The following NSMCE3 variants were observed in gnomAD, a reference collection of about 807,000 sequenced individuals.
NSMCE3 encodes the protein non-structural maintenance of chromosomes element 3 homolog.
For missense variants in NSMCE3, 452 were observed against 399.5 expected (o/e 1.13, Z -1.12); for synonymous variants, 214 against 172.2 (o/e 1.24, Z -1.90).
chr15:29,268,887 T>C lies in NSMCE3; in HGVS notation c.819A>G (p.Gln273=). Residue 273 remains glutamine, a synonymous_variant, in exon 1 of 1, where the codon CAA becomes CAG. Coordinates refer to ENST00000332303, the MANE Select transcript of NSMCE3 (RefSeq NM_138704.4). The stretch of plus-strand genomic sequence containing the variant: ...ACTGCGCTGGCCAGTCCTTGGGGTC[T>C]TGATTATGGACCTTGGCCACAAACT... ...VLKFVAKVHN[Q]DPKDWPAQYC... is the part of the protein sequence containing the mutation. 4 of 1,614,202 alleles carry C rather than the reference T, an allele frequency of 2.5e-6. No homozygotes were observed. Among genetic ancestry groups the C allele is most frequent in the African/African-American group, 1.3e-5 (1 of 75,044 alleles).
At position 29,268,817 on chromosome 15, in the gene NSMCE3, G is replaced by C. The variant is rs776476342; in HGVS notation, c.889C>G (p.Pro297Ala). 4.3e-6 allele frequency: 7 copies of C among 1,612,188 alleles called. No individual in the cohort carries two copies. Among genetic ancestry groups the C allele is most frequent in the Non-Finnish European group, 5.9e-6 (7 of 1,178,534 alleles). The change falls in exon 1 of 1, where the codon CCT (proline) becomes GCT (alanine). Residue 297 changes from proline to alanine, a missense_variant. Coordinates refer to ENST00000332303, the MANE Select transcript of NSMCE3 (RefSeq NM_138704.4). ...CAAGAGGATGGAGCTGGGCCACTAG[G>C]CTGAGGTCTGGCCCTGTTCTCCTCA... ...ADEENRARPQ[P>A]SGPAPSS
chr15:29,269,803 G>T lies in NSMCE3; in HGVS notation c.-98C>A, dbSNP rs1182904871. On this transcript the variant is annotated 5_prime_UTR_variant, in exon 1 of 1. Transcript: ENST00000332303. ...CGCTAACGCCGGTGCCTGGAGGCGC[G>T]CGCAGTGTCGGCTGAGACTGCGTGC... 10 of 1,175,634 alleles carry T rather than the reference G, an allele frequency of 8.5e-6. No homozygotes were observed. The East Asian group carries it at 2.8e-4, about 33-fold the overall frequency. The allele number at this position is 1,175,634 out of a possible 1,614,324, so 72.8% of individuals were successfully genotyped here. A position where few individuals can be genotyped will look rare whatever the true frequency, so the allele number is the denominator to read the frequency against.
In NSMCE3 at chr15:29,266,554, A is replaced by T. The variant is rs542020125; in HGVS notation, c.*2237T>A. On this transcript the variant is annotated 3_prime_UTR_variant, in exon 1 of 1. Transcript: ENST00000332303. ...AGTTATTTTTCCCCCATAAAAGAAC[A>T]ATTAAAATGAGTGAATCAGGTCTAC... 6.6e-6 allele frequency: 1 copy of T among 152,390 alleles called. No individual in the cohort carries two copies. The highest frequency in any genetic ancestry group is 2.1e-4 in the South Asian group (1 of 4,832). 9.4% of individuals were successfully genotyped at this position (152,390 alleles called of 1,614,324 possible). A position where few individuals can be genotyped will look rare whatever the true frequency, so the allele number is the denominator to read the frequency against.
rs150536207 is a variant in NSMCE3, at chr15:29,267,031, G to A, written c.*1760C>T. 4 of 152,358 alleles carry A rather than the reference G, an allele frequency of 2.6e-5. No individual in the cohort carries two copies. In the East Asian group the frequency reaches 7.7e-4, roughly 29 times the overall value. 9.4% of individuals were successfully genotyped at this position (152,358 alleles called of 1,614,324 possible). A position where few individuals can be genotyped will look rare whatever the true frequency, so the allele number is the denominator to read the frequency against. On this transcript the variant is annotated 3_prime_UTR_variant, in exon 1 of 1. Coordinates refer to ENST00000332303, the MANE Select transcript of NSMCE3 (RefSeq NM_138704.4). ...TAAGGGGACCAGGAGGCAGGAAGGA[G>A]TTTATACACTGAAATAAAATGCAGA...
At position 29,268,737 on chromosome 15, in the gene NSMCE3, A is replaced by C; in HGVS notation, c.*54T>G. On this transcript the variant is annotated 3_prime_UTR_variant, in exon 1 of 1. Coordinates refer to ENST00000332303, the MANE Select transcript of NSMCE3 (RefSeq NM_138704.4). ...GTTCTCCCTTCCCCCAATCCTCTAA[A>C]CTGTGCCTTTGGGTCTCAGACCCTT... The C allele has an allele frequency of 6.5e-7, 1 of 1,536,304 alleles. No homozygotes were observed. Among genetic ancestry groups the C allele is most frequent in the Non-Finnish European group, 8.8e-7 (1 of 1,141,902 alleles).
chr15:29,269,220 C>T lies in NSMCE3; in HGVS notation c.486G>A (p.Glu162=). 3.1e-6 allele frequency: 5 copies of T among 1,614,148 alleles called. No homozygotes were observed. The highest frequency in any genetic ancestry group is 4.2e-6 in the Non-Finnish European group (5 of 1,180,034). Reference sequence around the variant, plus strand: ...GGTCACCCCTCATCTCGGCATCCTCCTCCACAGGCTCCAGGGTGTTGATGA... The same window carrying T: ...GGTCACCCCTCATCTCGGCATCCTCTTCCACAGGCTCCAGGGTGTTGATGA... ...YILINTLEPV[E]EDAEMRGDQG... The change falls in exon 1 of 1, where the codon GAG becomes GAA. Residue 162 remains glutamate (E), a synonymous_variant. Coordinates refer to ENST00000332303, the MANE Select transcript of NSMCE3 (RefSeq NM_138704.4).
chr15:29,269,375 T>C lies in NSMCE3; in HGVS notation c.331A>G (p.Ile111Val), dbSNP rs761316328. The change falls in exon 1 of 1, where the codon ATA becomes GTA. Residue 111 changes from isoleucine (I) to valine (V), a missense_variant. Transcript: ENST00000332303. ...TAGTCCCCGATGACGTGCTTCAGTA[T>C]GTCGGCCCGCTTGATCGGAATCTTC... ...QKKIPIKRAD[I>V]LKHVIGDYKD... 6 of 1,614,072 alleles carry C rather than the reference T, an allele frequency of 3.7e-6. No individual in the cohort carries two copies. In the Admixed American group the frequency reaches 6.7e-5, roughly 18 times the overall value.
In NSMCE3 at chr15:29,269,250, G is replaced by T. The variant is rs375296124; in HGVS notation, c.456C>A (p.Tyr152Ter). Residue 152 changes from tyrosine (Y) to a stop codon, truncating the protein, a stop_gained, in exon 1 of 1, where the codon TAC (tyrosine) becomes TAA (stop). Coordinates refer to ENST00000332303, the MANE Select transcript of NSMCE3 (RefSeq NM_138704.4). LOFTEE classifies it low-confidence loss of function (END_TRUNC). ...CAGGCTCCAGGGTGTTGATGAGGAT[G>T]TAAGTGTTGCTCTTGGGTTCAAGTT... ...LVELEPKSNT[Y>*]ILINTLEPVE... 1.2e-6 allele frequency: 2 copies of T among 1,614,186 alleles called. No individual in the cohort carries two copies. The highest frequency in any genetic ancestry group is 2.2e-5 in the South Asian group (2 of 91,076).
In NSMCE3 at chr15:29,268,032, A is replaced by C. The variant is rs1260455830; in HGVS notation, c.*759T>G. ...CATGATCCTGATTTTGTTTCACACAAAAGTGAAACAACTTCTACAAAACAG... is the reference window on the plus strand; with the variant it reads ...CATGATCCTGATTTTGTTTCACACACAAGTGAAACAACTTCTACAAAACAG... On this transcript the variant is annotated 3_prime_UTR_variant, in exon 1 of 1. Transcript: ENST00000332303. 2.0e-5 allele frequency: 3 copies of C among 152,230 alleles called. No homozygotes were observed. Among genetic ancestry groups the C allele is most frequent in the East Asian group, 3.9e-4 (2 of 5,194 alleles). 9.4% of individuals were successfully genotyped at this position (152,230 alleles called of 1,614,324 possible). A position where few individuals can be genotyped will look rare whatever the true frequency, so the allele number is the denominator to read the frequency against.
rs745569129 is a variant in NSMCE3 at position 29,267,271 on chromosome 15, C to G, written c.*1520G>C. ...TTATTTCAAGGTTAATTTGCAGCACCTCCCCCTAAAACAATTAACTTATTT... is the reference window on the plus strand; with the variant it reads ...TTATTTCAAGGTTAATTTGCAGCACGTCCCCCTAAAACAATTAACTTATTT... On this transcript the variant is annotated 3_prime_UTR_variant, in exon 1 of 1. Transcript: ENST00000332303. 3.3e-5 allele frequency: 5 copies of G among 152,142 alleles called. No homozygotes were observed. Among genetic ancestry groups the G allele is most frequent in the African/African-American group, 4.8e-5 (2 of 41,416 alleles). 9.4% of individuals were successfully genotyped at this position (152,142 alleles called of 1,614,324 possible).
At position 29,266,844 on chromosome 15, in the gene NSMCE3, G is replaced by C. The variant is rs1007724781; in HGVS notation, c.*1947C>G. 6.6e-6 allele frequency: 1 copy of C among 152,154 alleles called. No homozygotes were observed. Among genetic ancestry groups the C allele is most frequent in the African/African-American group, 2.4e-5 (1 of 41,432 alleles). The allele number at this position is 152,154 out of a possible 1,614,324, so 9.4% of individuals were successfully genotyped here. ...TCTGATGTTTCATATTTTAAAATTT[G>C]AAACAAGATTATCGATGGTAAATTG... is the stretch of plus-strand genomic sequence containing the variant. On this transcript the variant is annotated 3_prime_UTR_variant, in exon 1 of 1. Transcript: ENST00000332303.
chr15:29,268,592 C>T lies in NSMCE3; in HGVS notation c.*199G>A. 1 of 502,772 alleles carries T rather than the reference C, an allele frequency of 2.0e-6. No homozygotes were observed. Among genetic ancestry groups the T allele is most frequent in the Admixed American group, 3.8e-5 (1 of 26,458 alleles). The allele number at this position is 502,772 out of a possible 1,614,324, so 31.1% of individuals were successfully genotyped here. ...AAAGAGTAAAATCAAAACAAATGCT[C>T]CTTTGTTTATAGATGAAAATCTGGA... On this transcript the variant is annotated 3_prime_UTR_variant, in exon 1 of 1. Transcript: ENST00000332303.
rs772270879 is a variant in NSMCE3, at chr15:29,269,725, G to A, written c.-20C>T. 2.0e-6 allele frequency: 3 copies of A among 1,499,544 alleles called. No individual in the cohort carries two copies. The highest frequency in any genetic ancestry group is 1.3e-5 in the South Asian group (1 of 75,548). The allele number at this position is 1,499,544 out of a possible 1,614,324, so 92.9% of individuals were successfully genotyped here. A position where few individuals can be genotyped will look rare whatever the true frequency, so the allele number is the denominator to read the frequency against. ...CAACATGTCTCCGGCGGCAGGTGCC[G>A]GCGCACACTCCGGTAGGCAAGCAGC... is the stretch of plus-strand genomic sequence containing the variant. On this transcript the variant is annotated 5_prime_UTR_variant, in exon 1 of 1. Coordinates refer to ENST00000332303, the MANE Select transcript of NSMCE3 (RefSeq NM_138704.4).
In NSMCE3 at chr15:29,267,282, A is replaced by G. The variant is rs536131793; in HGVS notation, c.*1509T>C. ...TTAATTTGCAGCACCTCCCCCTAAA[A>G]CAATTAACTTATTTGCCCACTGAAT... On this transcript the variant is annotated 3_prime_UTR_variant, in exon 1 of 1. Transcript: ENST00000332303. 2.0e-5 allele frequency: 3 copies of G among 152,300 alleles called. No individual in the cohort carries two copies. The highest frequency in any genetic ancestry group is 7.2e-5 in the African/African-American group (3 of 41,568). The allele number at this position is 152,300 out of a possible 1,614,324, so 9.4% of individuals were successfully genotyped here.
At position 29,267,721 on chromosome 15, in the gene NSMCE3, TAAAG is replaced by T. The variant is rs1277060246; in HGVS notation, c.*1066_*1069del. ...CCTAGGAATGATTTGGAAAAAAAGA[TAAAG>T]AAAAGTTATATTTAAAAAGTGGCAG... On this transcript the variant is annotated 3_prime_UTR_variant, in exon 1 of 1. Coordinates refer to ENST00000332303, the MANE Select transcript of NSMCE3 (RefSeq NM_138704.4). 1 of 152,242 alleles carries T rather than the reference TAAAG, an allele frequency of 6.6e-6. No individual in the cohort carries two copies. The highest frequency in any genetic ancestry group is 1.9e-4 in the East Asian group (1 of 5,192). The allele number at this position is 152,242 out of a possible 1,614,324, so 9.4% of individuals were successfully genotyped here. A position where few individuals can be genotyped will look rare whatever the true frequency, so the allele number is the denominator to read the frequency against.
chr15:29,269,169 C>G lies in NSMCE3; in HGVS notation c.537G>C (p.Leu179=). The change falls in exon 1 of 1, where the codon CTG becomes CTC. Residue 179 remains leucine, a synonymous_variant. Transcript: ENST00000332303. ...TAAAGATGAGCCCTAAGACGATCAT[C>G]AGGAGGCCCGTAGTGGGCGTGCCTT... ...GDQGTPTTGL[L]MIVLGLIFMK... 1 of 1,614,184 alleles carries G rather than the reference C, an allele frequency of 6.2e-7. No homozygotes were observed. The highest frequency in any genetic ancestry group is 8.5e-7 in the Non-Finnish European group (1 of 1,180,042).
At position 29,268,808 on chromosome 15, in the gene NSMCE3, G is replaced by A. The variant is rs746567225; in HGVS notation, c.898C>T (p.Pro300Ser). The A allele has an allele frequency of 2.2e-5, 36 of 1,609,726 alleles. No homozygotes were observed. Among genetic ancestry groups the A allele is most frequent in the African/African-American group, 1.3e-4 (10 of 74,746 alleles). The change falls in exon 1 of 1, where the codon CCA becomes TCA. Residue 300 changes from proline (P) to serine (S), a missense_variant. Coordinates refer to ENST00000332303, the MANE Select transcript of NSMCE3 (RefSeq NM_138704.4). ...ENRARPQPSGPAPSS is the reference protein window; with the variant it reads ...ENRARPQPSGSAPSS The stretch of plus-strand genomic sequence containing the variant: ...TCCACCTTTCAAGAGGATGGAGCTG[G>A]GCCACTAGGCTGAGGTCTGGCCCTG...
Position 29,269,750 on chromosome 15 carries a change from C to A in NSMCE3, c.-45G>T, listed in dbSNP as rs892685927. 7.7e-6 allele frequency: 11 copies of A among 1,425,746 alleles called. No individual in the cohort carries two copies. The African/African-American group carries it at 1.7e-4, about 22-fold the overall frequency. The allele number at this position is 1,425,746 out of a possible 1,614,324, so 88.3% of individuals were successfully genotyped here. ...GGCGCACACTCCGGTAGGCAAGCAGCCGCGGCGGGGATTGCGGGTCGGCGA... is the reference window on the plus strand; with the variant it reads ...GGCGCACACTCCGGTAGGCAAGCAGACGCGGCGGGGATTGCGGGTCGGCGA... On this transcript the variant is annotated 5_prime_UTR_variant, in exon 1 of 1. Transcript: ENST00000332303.
chr15:29,269,737 G>C lies in NSMCE3; in HGVS notation c.-32C>G, dbSNP rs754547334. ...GGCGGCAGGTGCCGGCGCACACTCC[G>C]GTAGGCAAGCAGCCGCGGCGGGGAT... On this transcript the variant is annotated 5_prime_UTR_variant, in exon 1 of 1. Coordinates refer to ENST00000332303, the MANE Select transcript of NSMCE3 (RefSeq NM_138704.4). 25 of 1,457,310 alleles carry C rather than the reference G, an allele frequency of 1.7e-5. No homozygotes were observed. The highest frequency in any genetic ancestry group is 2.2e-5 in the Non-Finnish European group (24 of 1,111,230). The allele number at this position is 1,457,310 out of a possible 1,614,324, so 90.3% of individuals were successfully genotyped here.
Sources: allele counts gnomAD v4.1 joint callset, GRCh38; gene constraint gnomAD v4.1.1; transcripts MANE v1.5; gene names NCBI Gene and HGNC (gene_info 2026-07-23, HGNC 2026-07-21).